Variants in HPCAL1 observed in about 807,000 individuals in gnomAD.
HPCAL1 encodes hippocalcin-like protein 1.
HPCAL1 carries 8 observed loss-of-function variants against 17.1 expected under a neutral mutation model. The observed-to-expected ratio is 0.47, with a 90% CI of 0.27 to 0.84. The LOEUF is 0.84. Ranked by LOEUF, HPCAL1 falls within the 40% of genes least tolerant of loss-of-function variation. HPCAL1 has a pLI of 0.13. For missense variants in HPCAL1, 165 were observed against 271.1 expected (o/e 0.61, Z 2.75); for synonymous variants, 112 against 111.4 (o/e 1.01, Z -0.03).
chr2:10,355,728 GTTTGCAAAGGCAT>G (rs907010638), intron 1 of HPCAL1, among the ~76,000 whole-genome samples: 14 of 152,052 alleles, frequency 9.2e-5, no homozygotes, highest in African/African-American at 3.4e-4. Flanking sequence ...TTGGGGAGCA[GTTTGCAAAGGCAT>G]TTGAAGATTA....
intron 1 of HPCAL1, among the ~76,000 whole-genome samples, chr2:10,348,842 A>T (rs1665642460): frequency 6.6e-6 from 1 of 152,166 alleles, no homozygotes; most frequent in Admixed American, 6.5e-5. Context: ...GTCTGGTATG[A>T]TGTTCGTTGA....
At position 10,423,087 on chromosome 2, in the gene HPCAL1, C is replaced by A; in HGVS notation, c.483C>A (p.Asp161Glu). ...TCAGGCAGATGGACACCAACAATGA[C>A]GGTAGTGCGGGGTGGGGGCGGGGCT... ...KIFRQMDTNN[D>E]GKLSLEEFIR... is the part of the protein sequence containing the mutation. Residue 161 changes from aspartate (D) to glutamate (E), a missense_variant and splice_region_variant, in exon 4 of 5, where the codon GAC becomes GAA. Physicochemically the swap from Asp to Glu is conservative, Grantham distance 45. Coordinates refer to ENST00000307845, the MANE Select transcript of HPCAL1 (RefSeq NM_002149.4). 1 of 1,592,860 alleles carries A rather than the reference C, an allele frequency of 6.3e-7. No homozygotes were observed. Among genetic ancestry groups the A allele is most frequent in the Non-Finnish European group, 8.6e-7 (1 of 1,161,386 alleles).
chr2:10,422,447 G>A (rs935970254), intron 3 of HPCAL1, among the ~76,000 whole-genome samples: 2 of 152,280 alleles, frequency 1.3e-5, no homozygotes, highest in East Asian at 1.9e-4. Context: ...GCAGAGACAC[G>A]CAGAGAGACC....
intron 2 of HPCAL1, among the ~76,000 whole-genome samples, chr2:10,412,134 G>A (rs551610418): frequency 5.3e-5 from 8 of 152,336 alleles, no homozygotes; most frequent in South Asian, 2.1e-4. Flanking sequence ...CGCAGGAGAC[G>A]AAGGCTCTAT....
chr2:10,399,336 A>T (rs1415508513), intron 2 of HPCAL1, among the ~76,000 whole-genome samples: 4 of 130,362 alleles, frequency 3.1e-5, no homozygotes, highest in Non-Finnish European at 1.7e-5. Context: ...CACCACCACC[A>T]CCACCACCAC....
chr2:10,350,536 T>A (rs1162036300), intron 1 of HPCAL1, among the ~76,000 whole-genome samples: 1 of 152,112 alleles, frequency 6.6e-6, no homozygotes, highest in Non-Finnish European at 1.5e-5. Flanking sequence ...GGTCTCGAAC[T>A]CCTGGGCTCA....
intron 1 of HPCAL1, among the ~76,000 whole-genome samples, chr2:10,313,740 C>T (rs16856100): frequency 0.052 from 7,931 of 152,262 alleles, 297 homozygotes; most frequent in African/African-American, 0.1. Flanking sequence ...GTCAGCTCTG[C>T]AATTCAGGAA....
intron 2 of HPCAL1, among the ~76,000 whole-genome samples, chr2:10,399,718 C>T (rs978130601): frequency 6.6e-6 from 1 of 152,136 alleles, no homozygotes; most frequent in Non-Finnish European, 1.5e-5. Context: ...CTTCTCTCTG[C>T]CCCTGGCCCT....
At chr2:10,421,576 C>G (rs989011154) in intron 3 of HPCAL1, among the ~76,000 whole-genome samples, 4 of 152,138 alleles carry the variant, frequency 2.6e-5, no homozygotes, top group Non-Finnish European at 5.9e-5. Context: ...TGGCATGCAC[C>G]TGTAGTCCCA....
chr2:10,371,195 T>C (rs949785497), intron 1 of HPCAL1, among the ~76,000 whole-genome samples: 16 of 152,126 alleles, frequency 1.1e-4, no homozygotes, highest in East Asian at 3.9e-4. Flanking sequence ...CATTTGCAGT[T>C]TGGGTTAGTG....
At chr2:10,306,711 T>TG (rs1452808980) in intron 1 of HPCAL1, among the ~76,000 whole-genome samples, 1 of 152,188 alleles carries the variant, frequency 6.6e-6, no homozygotes, top group Non-Finnish European at 1.5e-5. Flanking sequence ...GTTTGACAGG[T>TG]GGAACATTTC....
intron 1 of HPCAL1, among the ~76,000 whole-genome samples, chr2:10,388,234 C>T (rs1012419730): frequency 1.3e-5 from 2 of 152,290 alleles, no homozygotes; most frequent in African/African-American, 2.4e-5. Flanking sequence ...GTCGGCATTT[C>T]CCCTGTGGCT....
chr2:10,328,666 G>A (rs1204714556), intron 1 of HPCAL1, among the ~76,000 whole-genome samples: 2 of 152,188 alleles, frequency 1.3e-5, no homozygotes, highest in Non-Finnish European at 2.9e-5. Flanking sequence ...GCTCTCCTGA[G>A]TCTCCAGCTT....
chr2:10,334,463 A>G lies in HPCAL1; in HGVS notation c.-111+31286A>G, dbSNP rs376896756. Among the ~76,000 whole-genome samples the G allele has an allele frequency of 3.6e-4, 55 of 152,200 alleles. 1 individual carries two copies. Among genetic ancestry groups the G allele is most frequent in the African/African-American group, 1.3e-3 (54 of 41,534 alleles). On this transcript the variant is annotated intron_variant, in intron 1 of 4. Transcript: ENST00000307845. ...TTTGGGGTGATAGTGAGCTGTGGTC[A>G]CACCACTGTACTCCAGCCTGGATGA... is the stretch of plus-strand genomic sequence containing the variant.
chr2:10,333,669 A>ATATT (rs1664529165), intron 1 of HPCAL1, among the ~76,000 whole-genome samples: 1 of 152,220 alleles, frequency 6.6e-6, no homozygotes, highest in Non-Finnish European at 1.5e-5. Flanking sequence ...CTTTACCCAA[A>ATATT]TATTCTATGT....
At chr2:10,348,280 C>G (rs1190826958) in intron 1 of HPCAL1, among the ~76,000 whole-genome samples, 2 of 152,040 alleles carry the variant, frequency 1.3e-5, no homozygotes, top group African/African-American at 4.8e-5. Context: ...GAAACCTCAT[C>G]TCTACTAAAA....
chr2:10,404,190 T>C (rs1669825995), intron 2 of HPCAL1, among the ~76,000 whole-genome samples: 1 of 152,154 alleles, frequency 6.6e-6, no homozygotes, highest in Non-Finnish European at 1.5e-5. Context: ...CATTGACACC[T>C]ACACACTTTG....
rs115876739 is a variant in HPCAL1 at position 10,314,930 on chromosome 2, A to G, written c.-111+11753A>G. Among the ~76,000 whole-genome samples the G allele has an allele frequency of 6.9e-4, 105 of 152,340 alleles. 1 individual carries two copies. The highest frequency in any genetic ancestry group is 2.4e-3 in the African/African-American group (101 of 41,578). On this transcript the variant is annotated intron_variant, in intron 1 of 4. Transcript: ENST00000307845. ...GATTAGGATAGTAGGTAGTAGATGT[A>G]GGTATAAAGAGACTGAAAATCAGCT...
chr2:10,335,153 C>T (rs191047070), intron 1 of HPCAL1, among the ~76,000 whole-genome samples: 2 of 152,334 alleles, frequency 1.3e-5, no homozygotes, highest in East Asian at 3.9e-4. Context: ...TTGTGTAATC[C>T]CTTCCCTCGG....
Sources: allele counts gnomAD v4.1 joint callset (sites outside exome capture counted in the v4.1 genomes callset), GRCh38; gene constraint gnomAD v4.1.1; transcripts MANE v1.5; gene names NCBI Gene and HGNC (gene_info 2026-07-23, HGNC 2026-07-21).